LRCH2: variants seen among roughly 807,000 people sequenced by gnomAD.
The protein encoded by LRCH2 is leucine-rich repeat and calponin homology domain-containing protein 2.
Under a neutral mutation model 68.9 loss-of-function variants are expected in LRCH2, and 38 were observed. The ratio of observed to expected loss-of-function variants is 0.55; its 90% CI spans 0.43 to 0.72. LRCH2 has a LOEUF of 0.72. Among genes scored for constraint, LRCH2 ranks in the 30% least tolerant of loss-of-function variants. The probability of loss-of-function intolerance (pLI) is 0.00; values close to 1 mark genes in which losing one functional copy is unlikely to be tolerated. For synonymous variants in LRCH2, 191 were observed against 208.1 expected (o/e 0.92, Z 0.71); for missense variants, 528 against 572.9 (o/e 0.92, Z 0.80).
chrX:115,207,967 C>A (rs2147350063), intron 1 of LRCH2, among the ~76,000 whole-genome samples: 1 of 111,710 alleles, frequency 9.0e-6, no homozygotes, highest in South Asian at 3.8e-4. Flanking sequence ...ATAATTGTGC[C>A]ACACAATGCC....
intron 1 of LRCH2, chrX:115,190,630 C>CCCAACGCCCACAGCGGAGGCCGCTCGA (rs1556557673): frequency 8.6e-7 from 1 of 1,157,220 alleles, no homozygotes; most frequent in African/African-American, 1.8e-5. Flanking sequence ...AGGCCGCTCG[C>CCCAACGCCCACAGCGGAGGCCGCTCGA]CCGACGCCCA....
At chrX:115,138,817 A>G (rs1255067022) in intron 14 of LRCH2, among the ~76,000 whole-genome samples, 1 of 112,298 alleles carries the variant, frequency 8.9e-6, no homozygotes, top group Non-Finnish European at 1.9e-5. Context: ...CCTAATATAT[A>G]CATAGATTTG....
chrX:115,113,124 T>C lies in LRCH2; in HGVS notation c.*92A>G, dbSNP rs2072055396. On this transcript the variant is annotated 3_prime_UTR_variant, in exon 21 of 21. Coordinates refer to ENST00000317135, the MANE Select transcript of LRCH2 (RefSeq NM_020871.4). ...CTAAGGCGTGACCTAAGGCAAACTATTTTTGACGGAATATTCTTATTCATG... is the reference window on the plus strand; with the variant it reads ...CTAAGGCGTGACCTAAGGCAAACTACTTTTGACGGAATATTCTTATTCATG... The C allele has an allele frequency of 3.3e-6, 3 of 899,880 alleles. No individual in the cohort carries two copies. The African/African-American group carries it at 6.0e-5, about 18-fold the overall frequency. 74.2% of individuals were successfully genotyped at this position (899,880 alleles called of 1,213,427 possible).
intron 1 of LRCH2, among the ~76,000 whole-genome samples, chrX:115,221,949 A>T (rs782715391): frequency 4.5e-5 from 5 of 110,275 alleles, no homozygotes; most frequent in African/African-American, 1.6e-4. Flanking sequence ...AAAAAAAAAA[A>T]AAAAGAAAAA....
chrX:115,154,986 T>G (rs1409932393), intron 12 of LRCH2, among the ~76,000 whole-genome samples: 1 of 83,246 alleles, frequency 1.2e-5, no homozygotes, highest in Non-Finnish European at 2.1e-5. Flanking sequence ...CATGGTGAAA[T>G]CTCATCTCCG....
At chrX:115,119,819 G>T (rs1310058266) in intron 20 of LRCH2, among the ~76,000 whole-genome samples, 13 of 104,187 alleles carry the variant, frequency 1.2e-4, no homozygotes, top group African/African-American at 4.6e-4. Flanking sequence ...TACCAAAACA[G>T]AGATATAGAT....
chrX:115,176,468 T>A (rs138343799), intron 5 of LRCH2, among the ~76,000 whole-genome samples: 272 of 109,535 alleles, frequency 2.5e-3, no homozygotes, highest in African/African-American at 8.4e-3. Context: ...TATGTCTTGT[T>A]TGAAAAAATG....
At chrX:115,116,751 T>C (rs1569511167) in intron 20 of LRCH2, among the ~76,000 whole-genome samples, 1 of 111,314 alleles carries the variant, frequency 9.0e-6, no homozygotes, top group Non-Finnish European at 1.9e-5. Flanking sequence ...CTTCAATCCA[T>C]ACTTTTTAAC....
In LRCH2 at chrX:115,149,855, C is replaced by T; in HGVS notation, c.1667G>A (p.Ser556Asn). 1 of 1,197,027 alleles carries T rather than the reference C, an allele frequency of 8.4e-7. No individual in the cohort carries two copies. The highest frequency in any genetic ancestry group is 1.1e-6 in the Non-Finnish European group (1 of 884,416). ...IIWQSEERRR[S>N]KQIRKEYFKY... Reference sequence around the variant, plus strand: ...GAAATATTCTTTTCTAATCTGTTTGCTCCGCCTCCTTTCTTCACTCTGCCA... The same window carrying T: ...GAAATATTCTTTTCTAATCTGTTTGTTCCGCCTCCTTTCTTCACTCTGCCA... The change falls in exon 14 of 21, where the codon AGC (serine) becomes AAC (asparagine). Residue 556 changes from serine (S) to asparagine (N), a missense_variant. Ser to Asn is a conservative substitution (Grantham distance 46, BLOSUM62 1). Transcript: ENST00000317135.
At chrX:115,181,133 G>A (rs2072688626) in intron 3 of LRCH2, among the ~76,000 whole-genome samples, 1 of 111,289 alleles carries the variant, frequency 9.0e-6, no homozygotes, top group Admixed American at 9.6e-5. Flanking sequence ...AAGTGAAGGC[G>A]CTCAGGCAGA....
At chrX:115,204,995 C>T (rs1329058736) in intron 1 of LRCH2, among the ~76,000 whole-genome samples, 2 of 111,781 alleles carry the variant, frequency 1.8e-5, no homozygotes, top group African/African-American at 3.3e-5. Flanking sequence ...CCACCTGAGA[C>T]TGGGTAATTT....
intron 3 of LRCH2, among the ~76,000 whole-genome samples, chrX:115,183,742 A>C (rs782169434): frequency 8.9e-6 from 1 of 112,194 alleles, no homozygotes; most frequent in East Asian, 2.8e-4. Context: ...CATCATTCAA[A>C]ATAAAAGAAA....
intron 10 of LRCH2, among the ~76,000 whole-genome samples, chrX:115,164,256 T>C (rs1157324628): frequency 9.0e-6 from 1 of 111,717 alleles, no homozygotes; most frequent in Non-Finnish European, 1.9e-5. Context: ...CCAAAATAGG[T>C]TCAAATAAGA....
intron 5 of LRCH2, among the ~76,000 whole-genome samples, chrX:115,177,795 C>T (rs2072662115): frequency 9.2e-6 from 1 of 108,178 alleles, no homozygotes; most frequent in African/African-American, 3.4e-5. Context: ...CCTCCCCTTG[C>T]CCCCCACACC....
chrX:115,154,154 A>G (rs1225993485), intron 12 of LRCH2, among the ~76,000 whole-genome samples: 2 of 111,695 alleles, frequency 1.8e-5, no homozygotes, highest in African/African-American at 3.2e-5. Context: ...ATTATCAAGA[A>G]TATAAAGAAA....
chrX:115,168,350 T>A lies in LRCH2; in HGVS notation c.998+1949A>T, dbSNP rs185443881. ...CAACTGACAACCCACTCTATAGACC[T>A]GCACTGTCCAATACGGTAAGCAGCC... On this transcript the variant is annotated intron_variant, in intron 6 of 20. Transcript: ENST00000317135. Among the ~76,000 whole-genome samples, 283 of 111,541 alleles carry A rather than the reference T, an allele frequency of 2.5e-3. 1 individual carries two copies. The highest frequency in any genetic ancestry group is 4.6e-3 in the Non-Finnish European group (246 of 52,985).
At chrX:115,231,513 GA>G (rs1337696222) in intron 1 of LRCH2, among the ~76,000 whole-genome samples, 1 of 110,698 alleles carries the variant, frequency 9.0e-6, no homozygotes, top group Non-Finnish European at 1.9e-5. Flanking sequence ...TAATTTAAAT[GA>G]AAAAAAAGAG....
chrX:115,187,020 A>G (rs1027446603), intron 2 of LRCH2, among the ~76,000 whole-genome samples: 11 of 110,754 alleles, frequency 9.9e-5, no homozygotes, highest in Non-Finnish European at 1.9e-5. Flanking sequence ...GGGTTTCACC[A>G]TGTTAGCCAG....
chrX:115,193,171 A>C (rs1039054856), intron 1 of LRCH2, among the ~76,000 whole-genome samples: 6 of 111,824 alleles, frequency 5.4e-5, no homozygotes, highest in Non-Finnish European at 1.1e-4. Flanking sequence ...TTTAGATCAA[A>C]TGTTTATGAA....
Sources: gnomAD v4.1 joint callset for allele counts (sites outside exome capture counted in the v4.1 genomes callset) on GRCh38, gnomAD v4.1.1 for gene constraint, MANE v1.5 for transcripts, NCBI Gene and HGNC (gene_info 2026-07-23, HGNC 2026-07-21) for gene names.